RAB6A: variants seen among roughly 807,000 people sequenced by gnomAD.
The protein encoded by RAB6A is RAB6A, member RAS oncogene family.
RAB6A carries 8 observed loss-of-function variants against 32.3 expected under a neutral mutation model. The ratio of observed to expected loss-of-function variants is 0.25; its 90% CI spans 0.15 to 0.45. The LOEUF (loss-of-function observed/expected upper bound fraction) is 0.45. Among genes scored for constraint, RAB6A ranks in the 20% least tolerant of loss-of-function variants. The probability of loss-of-function intolerance (pLI) is 1.00; values close to 1 mark genes in which losing one functional copy is unlikely to be tolerated. For missense variants in RAB6A, 104 were observed against 249.4 expected (o/e 0.42, Z 3.93); for synonymous variants, 73 against 82.1 (o/e 0.89, Z 0.60).
Position 73,677,747 on chromosome 11 carries a change from A to T in RAB6A, c.*151T>A. On this transcript the variant is annotated 3_prime_UTR_variant, in exon 8 of 8. Coordinates refer to ENST00000336083, the MANE Select transcript of RAB6A (RefSeq NM_198896.2). ...TTTGTTGTGCTTGTGAAGCTAATAG[A>T]TCATCTCCACGAGACAGGCAGCAAT... 6.7e-7 allele frequency: 1 copy of T among 1,499,682 alleles called. No homozygotes were observed. Among genetic ancestry groups the T allele is most frequent in the Middle Eastern group, 1.8e-4 (1 of 5,598 alleles). 92.9% of individuals were successfully genotyped at this position (1,499,682 alleles called of 1,614,324 possible).
chr11:73,704,762 C>T (rs752025939), intron 6 of RAB6A, among the ~76,000 whole-genome samples: 9 of 150,590 alleles, frequency 6.0e-5, no homozygotes, highest in African/African-American at 9.8e-5. Flanking sequence ...TTTGGGAGGC[C>T]GAGGTGGGCA....
chr11:73,742,765 G>T (rs542023461), intron 1 of RAB6A, among the ~76,000 whole-genome samples: 2 of 152,010 alleles, frequency 1.3e-5, no homozygotes, highest in Admixed American at 1.3e-4. Flanking sequence ...AATCGAGATT[G>T]CCCCATTGAC....
intron 1 of RAB6A, chr11:73,760,076 CA>C: frequency 7.8e-7 from 1 of 1,290,090 alleles, no homozygotes; most frequent in Non-Finnish European, 1.0e-6. Flanking sequence ...TTCGCAGGGC[CA>C]AGCCTCTGGG....
rs770391435 is a variant in RAB6A, at chr11:73,718,854, G to A, written c.184-136C>T. 123 of 1,606,674 alleles carry A rather than the reference G, an allele frequency of 7.7e-5. No individual in the cohort carries two copies. The highest frequency in any genetic ancestry group is 9.9e-5 in the Non-Finnish European group (116 of 1,176,306). On this transcript the variant is annotated intron_variant, in intron 3 of 7. Coordinates refer to ENST00000336083, the MANE Select transcript of RAB6A (RefSeq NM_198896.2). ...TAACTGGGAATGAGGCTACGGAAAC[G>A]TTCCTGACCCGCAGTATCCCACAGC...
intron 6 of RAB6A, among the ~76,000 whole-genome samples, chr11:73,692,010 G>A (rs1945574512): frequency 6.6e-6 from 1 of 151,984 alleles, no homozygotes; most frequent in Non-Finnish European, 1.5e-5. Flanking sequence ...CAGCACAAAT[G>A]TTTATATTAG....
chr11:73,679,274 A>G (rs755118547), intron 7 of RAB6A, among the ~76,000 whole-genome samples: 2 of 152,220 alleles, frequency 1.3e-5, no homozygotes, highest in Non-Finnish European at 2.9e-5. Context: ...GCTCCACTCT[A>G]TTTCTTGCCT....
At chr11:73,724,056 T>C (rs534727907) in intron 2 of RAB6A, among the ~76,000 whole-genome samples, 1 of 152,304 alleles carries the variant, frequency 6.6e-6, no homozygotes, top group African/African-American at 2.4e-5. Flanking sequence ...AATTGAACTG[T>C]TTCTCAAATT....
chr11:73,685,724 C>CAA (rs371682393), intron 6 of RAB6A, among the ~76,000 whole-genome samples: 85 of 134,586 alleles, frequency 6.3e-4, no homozygotes, highest in African/African-American at 2.0e-3. Context: ...ATTAAAAATA[C>CAA]AAAAAAAAAA....
intron 1 of RAB6A, among the ~76,000 whole-genome samples, chr11:73,737,330 T>C (rs774374437): frequency 1.3e-5 from 2 of 151,796 alleles, no homozygotes; most frequent in Non-Finnish European, 2.9e-5. Context: ...ACAAAAAATT[T>C]AAAATTTACT....
chr11:73,753,979 C>A (rs1946707679), intron 1 of RAB6A, among the ~76,000 whole-genome samples: 1 of 152,230 alleles, frequency 6.6e-6, no homozygotes, highest in Non-Finnish European at 1.5e-5. Flanking sequence ...ACTTTCTGAG[C>A]ACTTCTCATG....
intron 5 of RAB6A, among the ~76,000 whole-genome samples, chr11:73,713,772 G>A (rs540451166): frequency 6.6e-6 from 1 of 152,182 alleles, no homozygotes; most frequent in African/African-American, 2.4e-5. Context: ...CATTTTAGTG[G>A]AACGAACAAG....
At position 73,760,563 on chromosome 11, in the gene RAB6A, C is replaced by T. The variant is rs1257063032; in HGVS notation, c.70+3G>A. 1 of 1,605,898 alleles carries T rather than the reference C, an allele frequency of 6.2e-7. No individual in the cohort carries two copies. The highest frequency in any genetic ancestry group is 1.7e-5 in the Admixed American group (1 of 58,944). ...GCCAGGAGTAGGGGAGCCACGCACT[C>T]ACCGCTTTGCTCCCCCAGGAACACC... On this transcript the variant is annotated splice_donor_region_variant and intron_variant, in intron 1 of 7. Transcript: ENST00000336083.
chr11:73,743,715 C>T (rs781349114), intron 1 of RAB6A, among the ~76,000 whole-genome samples: 47 of 152,190 alleles, frequency 3.1e-4, no homozygotes, highest in Non-Finnish European at 5.9e-4. Context: ...CTGCCAATTA[C>T]AGAAGGCTAT....
intron 1 of RAB6A, among the ~76,000 whole-genome samples, chr11:73,749,572 A>C (rs1355605160): frequency 6.6e-6 from 1 of 152,178 alleles, no homozygotes; most frequent in East Asian, 1.9e-4. Context: ...GGCTGGGCTC[A>C]GTGGCTCATG....
At chr11:73,682,691 T>C (rs1186189308) in intron 6 of RAB6A, among the ~76,000 whole-genome samples, 1 of 152,086 alleles carries the variant, frequency 6.6e-6, no homozygotes, top group Admixed American at 6.5e-5. Context: ...TTGAGAAGGG[T>C]CTTGCTCTGT....
At chr11:73,740,172 G>A (rs941851232) in intron 1 of RAB6A, among the ~76,000 whole-genome samples, 1 of 151,414 alleles carries the variant, frequency 6.6e-6, no homozygotes, top group Middle Eastern at 3.2e-3. Flanking sequence ...AGATAGTATT[G>A]AACTAGACCA....
At chr11:73,742,649 T>C (rs187829288) in intron 1 of RAB6A, among the ~76,000 whole-genome samples, 30 of 152,052 alleles carry the variant, frequency 2.0e-4, no homozygotes, top group African/African-American at 6.0e-4. Context: ...CCGTCGCTAC[T>C]AAAAATACAA....
chr11:73,752,880 T>C (rs751947631), intron 1 of RAB6A, among the ~76,000 whole-genome samples: 4 of 151,226 alleles, frequency 2.6e-5, no homozygotes, highest in African/African-American at 9.7e-5. Flanking sequence ...TGGAAGAAAG[T>C]TGAGAAAAAT....
chr11:73,691,062 G>C (rs1945552028), intron 6 of RAB6A, among the ~76,000 whole-genome samples: 1 of 152,102 alleles, frequency 6.6e-6, no homozygotes, highest in Admixed American at 6.5e-5. Context: ...CAGGCCCTGG[G>C]CCTTAGAACT....
Sources: allele counts gnomAD v4.1 joint callset (sites outside exome capture counted in the v4.1 genomes callset), GRCh38; gene constraint gnomAD v4.1.1; transcripts MANE v1.5; gene names NCBI Gene and HGNC (gene_info 2026-07-23, HGNC 2026-07-21).